The following NPM1 variants were observed in gnomAD, a reference collection of about 807,000 sequenced individuals.
NPM1 encodes nucleophosmin.
Under a neutral mutation model 44.1 loss-of-function variants are expected in NPM1, and 1 was observed. The ratio of observed to expected loss-of-function variants is 0.02; its 90% CI spans 0.01 to 0.11. The LOEUF (loss-of-function observed/expected upper bound fraction) is 0.11. Ranked by LOEUF, NPM1 falls within the 10% of genes least tolerant of loss-of-function variation. The pLI, the probability that NPM1 is intolerant of heterozygous loss-of-function variation, is 1.00. For synonymous variants in NPM1, 126 were observed against 111.8 expected, an observed-to-expected ratio of 1.13 and a Z score of -0.80; for missense variants, 197 against 347.8, an observed-to-expected ratio of 0.57 and a Z score of 3.45.
intron 10 of NPM1, among the ~76,000 whole-genome samples, chr5:171,409,655 C>T (rs1271833204): frequency 1.3e-5 from 2 of 152,194 alleles, no homozygotes; most frequent in Non-Finnish European, 2.9e-5. Flanking sequence ...TGAGTCATCT[C>T]ATTTCTAGTT....
chr5:171,392,457 C>T (rs999611585), intron 4 of NPM1, among the ~76,000 whole-genome samples: 1 of 150,186 alleles, frequency 6.7e-6, no homozygotes, highest in African/African-American at 2.5e-5. Flanking sequence ...CTCAAGTGGT[C>T]CGCCTTGGCC....
rs1157017798 is a variant in NPM1 at position 171,405,304 on chromosome 5, A to G, written c.672A>G (p.Gly224=). The change falls in exon 9 of 11, where the codon GGA becomes GGG. Residue 224 remains glycine (G), a splice_region_variant and synonymous_variant. Coordinates refer to ENST00000296930, the MANE Select transcript of NPM1 (RefSeq NM_002520.7). ...SKPSSTPRSK[G]QESFKKQEKT... ...TTGGAAATTCATTTCTTTTTCAGGG[A>G]CAAGAATCCTTCAAGAAACAGGAAA... 1 of 1,518,312 alleles carries G rather than the reference A, an allele frequency of 6.6e-7. No homozygotes were observed. The highest frequency in any genetic ancestry group is 9.1e-7 in the Non-Finnish European group (1 of 1,102,246). The allele number at this position is 1,518,312 out of a possible 1,614,324, so 94.1% of individuals were successfully genotyped here.
intron 10 of NPM1, among the ~76,000 whole-genome samples, chr5:171,409,885 C>G (rs1561878084): frequency 1.3e-5 from 2 of 151,538 alleles, no homozygotes; most frequent in South Asian, 4.2e-4. Flanking sequence ...ACCTCTGCCT[C>G]TTGGGCTCAG....
chr5:171,408,541 A>C (rs1771678649), intron 10 of NPM1, among the ~76,000 whole-genome samples: 1 of 151,948 alleles, frequency 6.6e-6, no homozygotes, highest in African/African-American at 2.4e-5. Flanking sequence ...ATTGCACTTC[A>C]ATTTTTAGTT....
chr5:171,389,196 A>G (rs186994701), intron 1 of NPM1, among the ~76,000 whole-genome samples: 61 of 151,710 alleles, frequency 4.0e-4, no homozygotes, highest in Admixed American at 2.8e-3. Flanking sequence ...TACTATTCAG[A>G]CTTTGAAGTA....
upstream of NPM1, chr5:171,387,829 A>C (rs1373134719): frequency 1.1e-6 from 1 of 931,534 alleles, no homozygotes; most frequent in Non-Finnish European, 1.7e-6. Flanking sequence ...GTCTATATAT[A>C]AGCGCGGGGA....
rs576987147 is a variant in NPM1, at chr5:171,396,814, C to G, written c.525-3339C>G. On this transcript the variant is annotated intron_variant, in intron 6 of 10. Transcript: ENST00000296930. ...TGGCCAATATGGTGAAACCCCGTCT[C>G]TGCTAACATACAGCTGGGTGTGATG... 2.0e-5 allele frequency among the ~76,000 whole-genome samples: 3 copies of G among 152,286 alleles called. No homozygotes were observed. In the South Asian group the frequency reaches 6.2e-4, roughly 32 times the overall value.
At chr5:171,390,500 C>T (rs952187175) in intron 2 of NPM1, among the ~76,000 whole-genome samples, 1 of 152,150 alleles carries the variant, frequency 6.6e-6, no homozygotes, top group Non-Finnish European at 1.5e-5. Flanking sequence ...CATATTTATG[C>T]ATTTCTTAAA....
Position 171,400,228 on chromosome 5 carries a change from T to G in NPM1, c.582+18T>G, listed in dbSNP as rs1375260014. The G allele has an allele frequency of 4.3e-6, 7 of 1,613,188 alleles. No individual in the cohort carries two copies. Among genetic ancestry groups the G allele is most frequent in the Non-Finnish European group, 4.2e-6 (5 of 1,179,818 alleles). The stretch of plus-strand genomic sequence containing the variant: ...TGAAGAAAGTGAGTAGATACAATGC[T>G]ACAAGGTTGTTAAACTAACAATAGA... On this transcript the variant is annotated intron_variant, in intron 7 of 10. Transcript: ENST00000296930.
Position 171,387,871 on chromosome 5 carries a change from C to A in NPM1, c.-78C>A. 1 of 1,344,474 alleles carries A rather than the reference C, an allele frequency of 7.4e-7. No homozygotes were observed. The highest frequency in any genetic ancestry group is 1.1e-6 in the Non-Finnish European group (1 of 939,038). 83.3% of individuals were successfully genotyped at this position (1,344,474 alleles called of 1,614,324 possible). On this transcript the variant is annotated 5_prime_UTR_variant, in exon 1 of 11. It adds an upstream start codon to the 5' untranslated region. Coordinates refer to ENST00000296930, the MANE Select transcript of NPM1 (RefSeq NM_002520.7). The stretch of plus-strand genomic sequence containing the variant: ...GTCCTTTCCCTGGTGTGATTCCGTC[C>A]TGCGCGGTTGTTCTCTGGAGCAGCG...
intron 10 of NPM1, among the ~76,000 whole-genome samples, chr5:171,409,753 C>G (rs1488810504): frequency 6.6e-6 from 1 of 152,068 alleles, no homozygotes; most frequent in Admixed American, 6.5e-5. Context: ...GGTGATCCAA[C>G]ACCTTGGCCT....
chr5:171,405,897 T>A (rs1223356266), intron 9 of NPM1, among the ~76,000 whole-genome samples: 1 of 152,204 alleles, frequency 6.6e-6, no homozygotes, highest in Non-Finnish European at 1.5e-5. Context: ...TGTCACCAGT[T>A]AATACATGTA....
At chr5:171,406,299 A>G in intron 9 of NPM1, 2 of 1,038,928 alleles carry the variant, frequency 1.9e-6, no homozygotes, top group African/African-American at 1.6e-5. Flanking sequence ...CCTGGTTATC[A>G]CTGATTTTTG....
At chr5:171,399,436 G>T (rs1213205041) in intron 6 of NPM1, among the ~76,000 whole-genome samples, 2 of 152,164 alleles carry the variant, frequency 1.3e-5, no homozygotes, top group Non-Finnish European at 2.9e-5. Flanking sequence ...TGTAGAGAGG[G>T]TTCTCATTAT....
intron 6 of NPM1, among the ~76,000 whole-genome samples, chr5:171,396,609 G>A (rs989374227): frequency 6.6e-6 from 1 of 152,196 alleles, no homozygotes; most frequent in African/African-American, 2.4e-5. Context: ...TTCAGTTGTT[G>A]AATTAAACGT....
At chr5:171,388,516 C>G (rs1274867642) in intron 1 of NPM1, among the ~76,000 whole-genome samples, 1 of 150,910 alleles carries the variant, frequency 6.6e-6, no homozygotes, top group African/African-American at 2.4e-5. Context: ...CGTGCTTCGG[C>G]CAGTTACTGG....
In NPM1 at chr5:171,407,724, G is replaced by A. The variant is rs1351738253; in HGVS notation, c.796G>A (p.Ala266Thr). 1.9e-6 allele frequency: 3 copies of A among 1,610,558 alleles called. No homozygotes were observed. Among genetic ancestry groups the A allele is most frequent in the East Asian group, 2.2e-5 (1 of 44,854 alleles). The change falls in exon 10 of 11, where the codon GCC (alanine) becomes ACC (threonine). Residue 266 changes from alanine (A) to threonine (T), a missense_variant. Coordinates refer to ENST00000296930, the MANE Select transcript of NPM1 (RefSeq NM_002520.7). ...EKGGSLPKVE[A>T]KFINYVKNCF... ...GGGTGGTTCTCTTCCCAAAGTGGAA[G>A]CCAAATTCATCAATTATGTGAAGAA...
chr5:171,409,591 T>TA (rs1771725174), intron 10 of NPM1, among the ~76,000 whole-genome samples: 1 of 152,186 alleles, frequency 6.6e-6, no homozygotes, highest in African/African-American at 2.4e-5. Context: ...GGTATTCAGT[T>TA]ACCTTGTACC....
At chr5:171,405,452 C>T (rs572999471) in intron 9 of NPM1, 49 bp downstream of exon 9, 41 of 815,348 alleles carry the variant, frequency 5.0e-5, no homozygotes, top group East Asian at 2.3e-4. Context: ...TCAAATTGCA[C>T]GTGTCTGGTT....
Sources: gnomAD v4.1 joint callset for allele counts (sites outside exome capture counted in the v4.1 genomes callset) on GRCh38, gnomAD v4.1.1 for gene constraint, MANE v1.5 for transcripts, NCBI Gene and HGNC (gene_info 2026-07-23, HGNC 2026-07-21) for gene names.